Variants in SORCS2 observed in about 807,000 individuals in gnomAD.
The protein encoded by SORCS2 is VPS10 domain-containing receptor SorCS2.
A neutral mutation model predicts 141.6 loss-of-function variants in SORCS2; 100 were observed. That is an observed-to-expected ratio of 0.71 (90% CI 0.60 to 0.83). The LOEUF is 0.83. SORCS2 is among the 40% of genes least tolerant of loss of function. The pLI, the probability that SORCS2 is intolerant of heterozygous loss-of-function variation, is 0.00. For missense variants in SORCS2, 1,646 were observed against 1,560.2 expected (o/e 1.05, Z -0.93); for synonymous variants, 789 against 676.9 (o/e 1.17, Z -2.57).
intron 1 of SORCS2, among the ~76,000 whole-genome samples, chr4:7,371,386 T>A (rs1722239864): frequency 1.3e-5 from 2 of 152,210 alleles, no homozygotes; most frequent in Admixed American, 6.5e-5. Context: ...TCCATGGCGA[T>A]GTCCGTTTCC....
At chr4:7,285,036 A>ATATATAT (rs1553826991) in intron 1 of SORCS2, among the ~76,000 whole-genome samples, 4 of 140,068 alleles carry the variant, frequency 2.9e-5, no homozygotes, top group Non-Finnish European at 6.2e-5. Context: ...ATATATATAT[A>ATATATAT]TTTTTTTTTT....
chr4:7,373,486 T>G (rs1224563541), intron 1 of SORCS2, among the ~76,000 whole-genome samples: 1 of 23,528 alleles, frequency 4.3e-5, no homozygotes, highest in African/African-American at 1.1e-4. Context: ...ATATTTTTTT[T>G]TTTTTTTTTT....
In SORCS2 at chr4:7,274,189, C is replaced by T. The variant is rs111954259; in HGVS notation, c.480+81063C>T. Among the ~76,000 whole-genome samples the T allele has an allele frequency of 3.8e-3, 576 of 152,342 alleles. 5 individuals are homozygous for T. Among genetic ancestry groups the T allele is most frequent in the Non-Finnish European group, 5.7e-3 (388 of 68,036 alleles). ...CAGATCCGGCTGGACAGACGTTAGACTGGGAACCCCTTTCCCCATAGGCAG... is the reference window on the plus strand; with the variant it reads ...CAGATCCGGCTGGACAGACGTTAGATTGGGAACCCCTTTCCCCATAGGCAG... On this transcript the variant is annotated intron_variant, in intron 1 of 26. Coordinates refer to ENST00000507866, the MANE Select transcript of SORCS2 (RefSeq NM_020777.3).
intron 3 of SORCS2, among the ~76,000 whole-genome samples, chr4:7,534,753 G>A (rs1179604415): frequency 2.0e-5 from 3 of 152,276 alleles, no homozygotes; most frequent in African/African-American, 7.2e-5. Flanking sequence ...AAATGGACTT[G>A]CCACTGGAGC....
At chr4:7,499,028 G>A (rs71601849) in intron 2 of SORCS2, among the ~76,000 whole-genome samples, 4,637 of 152,334 alleles carry the variant, frequency 0.03, 109 homozygotes, top group Non-Finnish European at 0.047. Flanking sequence ...AGACGGGAGG[G>A]ACACGGCACA....
intron 4 of SORCS2, among the ~76,000 whole-genome samples, chr4:7,647,694 A>AG (rs921044362): frequency 6.6e-6 from 1 of 152,162 alleles, no homozygotes. Flanking sequence ...CGAGGAGGGC[A>AG]GGGGGGTCGC....
intron 1 of SORCS2, among the ~76,000 whole-genome samples, chr4:7,251,019 AG>A (rs1713476267): frequency 6.6e-6 from 1 of 152,248 alleles, no homozygotes; most frequent in South Asian, 2.1e-4. Flanking sequence ...CTGCCACCAA[AG>A]ACTGGGTGAC....
intron 3 of SORCS2, among the ~76,000 whole-genome samples, chr4:7,618,628 G>T (rs1457483587): frequency 6.6e-6 from 1 of 152,114 alleles, no homozygotes; most frequent in African/African-American, 2.4e-5. Context: ...CTTTGTGCAT[G>T]CTGCCACCCT....
intron 2 of SORCS2, among the ~76,000 whole-genome samples, chr4:7,437,640 C>T (rs922015302): frequency 6.6e-6 from 1 of 152,162 alleles, no homozygotes; most frequent in Non-Finnish European, 1.5e-5. Context: ...TTATGAATAA[C>T]GAAATACACT....
intron 1 of SORCS2, among the ~76,000 whole-genome samples, chr4:7,254,627 G>T (rs369744154): frequency 2.3e-4 from 35 of 152,266 alleles, no homozygotes; most frequent in African/African-American, 7.7e-4. Flanking sequence ...TTGCACATGT[G>T]CCCTATAAAT....
In SORCS2 at chr4:7,444,044, G is replaced by A. The variant is rs115316421; in HGVS notation, c.548+47689G>A. Among the ~76,000 whole-genome samples, 657 of 152,348 alleles carry A rather than the reference G, an allele frequency of 4.3e-3. 6 individuals are homozygous for A. The highest frequency in any genetic ancestry group is 0.015 in the African/African-American group (635 of 41,586). On this transcript the variant is annotated intron_variant, in intron 2 of 26. Transcript: ENST00000507866. ...CTTATCCCCACAGGTGAAGGTTGAG[G>A]GCTGGTGAAATAGGCAGAATCTCTC...
At chr4:7,625,006 G>A (rs1719432472) in intron 3 of SORCS2, among the ~76,000 whole-genome samples, 2 of 152,188 alleles carry the variant, frequency 1.3e-5, no homozygotes, top group South Asian at 2.1e-4. Flanking sequence ...TATTTTATAT[G>A]CTCTGAAATG....
intron 1 of SORCS2, among the ~76,000 whole-genome samples, chr4:7,362,596 C>T (rs1560219252): frequency 1.3e-5 from 2 of 152,210 alleles, no homozygotes; most frequent in East Asian, 3.9e-4. Flanking sequence ...GAGGGCTCTG[C>T]CCCTGGAAAG....
intron 1 of SORCS2, among the ~76,000 whole-genome samples, chr4:7,363,262 CTACCAT>C (rs1219370856): frequency 2.0e-5 from 3 of 151,306 alleles, no homozygotes; most frequent in Non-Finnish European, 4.4e-5. Context: ...ACCATCATTA[CTACCAT>C]TACCATGATC....
At chr4:7,336,829 T>C (rs943655180) in intron 1 of SORCS2, among the ~76,000 whole-genome samples, 4 of 152,158 alleles carry the variant, frequency 2.6e-5, no homozygotes, top group Non-Finnish European at 4.4e-5. Context: ...CGGGGCCCAG[T>C]TGGCAGAGGC....
At chr4:7,593,911 C>T (rs1717084271) in intron 3 of SORCS2, among the ~76,000 whole-genome samples, 1 of 152,228 alleles carries the variant, frequency 6.6e-6, no homozygotes, top group Non-Finnish European at 1.5e-5. Flanking sequence ...TAGTCATCAA[C>T]CAAAGTGCTC....
chr4:7,275,453 C>T (rs1023951089), intron 1 of SORCS2, among the ~76,000 whole-genome samples: 6 of 152,108 alleles, frequency 3.9e-5, no homozygotes, highest in Non-Finnish European at 7.4e-5. Context: ...TGGAATCACC[C>T]GTGTCTGCTC....
intron 1 of SORCS2, among the ~76,000 whole-genome samples, chr4:7,239,995 G>A (rs1712579699): frequency 6.6e-6 from 1 of 152,148 alleles, no homozygotes; most frequent in African/African-American, 2.4e-5. Flanking sequence ...TGTCTGTGGG[G>A]AGCACAGGAA....
At chr4:7,571,927 G>A (rs912668787) in intron 3 of SORCS2, among the ~76,000 whole-genome samples, 30 of 152,152 alleles carry the variant, frequency 2.0e-4, no homozygotes, top group African/African-American at 6.0e-4. Context: ...AGTGTCATCC[G>A]CTCAACTCAG....
Sources: allele counts gnomAD v4.1 joint callset (sites outside exome capture counted in the v4.1 genomes callset), GRCh38; gene constraint gnomAD v4.1.1; transcripts MANE v1.5; gene names NCBI Gene and HGNC (gene_info 2026-07-23, HGNC 2026-07-21).